Variants in CARD10 observed in about 807,000 individuals in gnomAD.
CARD10 encodes caspase recruitment domain family member 10, also known as caspase recruitment domain-containing protein 10.
CARD10 carries 49 observed loss-of-function variants against 114.6 expected under a neutral mutation model. That is an observed-to-expected ratio of 0.43 (90% CI 0.34 to 0.54). The LOEUF (loss-of-function observed/expected upper bound fraction) is 0.54. CARD10 is among the 20% of genes least tolerant of loss of function. The pLI is 0.03. For synonymous variants in CARD10, 602 were observed against 593.2 expected (o/e 1.01, Z -0.21); for missense variants, 1,206 against 1,397.2 (o/e 0.86, Z 2.18).
intron 3 of CARD10, among the ~76,000 whole-genome samples, chr22:37,513,074 G>A (rs1224988432): frequency 6.6e-6 from 1 of 151,958 alleles, no homozygotes; most frequent in East Asian, 1.9e-4. Flanking sequence ...TATAAATTAA[G>A]GTAAATTTAT....
In CARD10 at chr22:37,506,498, C is replaced by T. The variant is rs1923414429; in HGVS notation, c.1192-115G>A. 8 of 677,540 alleles carry T rather than the reference C, an allele frequency of 1.2e-5. 1 individual carries two copies. The East Asian group carries it at 2.4e-4, about 20-fold the overall frequency. 42.0% of individuals were successfully genotyped at this position (677,540 alleles called of 1,614,324 possible). ...AGAATGGCAGCTATCACTTACTGAG[C>T]ACTGTGTGCCGGGCCCTGAGCTAAA... On this transcript the variant is annotated intron_variant, in intron 6 of 19. Coordinates refer to ENST00000251973, the MANE Select transcript of CARD10 (RefSeq NM_014550.4).
At chr22:37,494,732 G>A (rs537079613) in intron 15 of CARD10, among the ~76,000 whole-genome samples, 4 of 152,176 alleles carry the variant, frequency 2.6e-5, no homozygotes, top group Non-Finnish European at 4.4e-5. Context: ...TACAACCCCC[G>A]CACTTTACAG....
chr22:37,509,076 G>A (rs1390122290), intron 4 of CARD10: 1 of 1,548,814 alleles, frequency 6.5e-7, no homozygotes, highest in South Asian at 1.2e-5. Context: ...GGTCTTCAAG[G>A]GGCTGAGCCT....
Position 37,495,544 on chromosome 22 carries a change from G to A in CARD10, c.2346C>T (p.Ser782=), listed in dbSNP as rs1922969414. The change falls in exon 15 of 20, where the codon TCC becomes TCT. Residue 782 remains serine (S), a synonymous_variant. Coordinates refer to ENST00000251973, the MANE Select transcript of CARD10 (RefSeq NM_014550.4). ...LLEVQEKCLP[S]SRHRGPRSNL... ...TACTGCGGGGGCCTCGGTGCCGGCT[G>A]GAGGGCAGGCATTTCTCCTGAACTT... The A allele has an allele frequency of 6.2e-7, 1 of 1,613,112 alleles. No homozygotes were observed. The highest frequency in any genetic ancestry group is 8.5e-7 in the Non-Finnish European group (1 of 1,179,780).
At chr22:37,505,127 G>A (rs548375278) in intron 7 of CARD10, among the ~76,000 whole-genome samples, 5 of 152,260 alleles carry the variant, frequency 3.3e-5, no homozygotes, top group Non-Finnish European at 5.9e-5. Context: ...ATGTGCAAAG[G>A]CCCTGAGGCA....
At chr22:37,511,718 C>T (rs1923659019) in intron 3 of CARD10, among the ~76,000 whole-genome samples, 1 of 151,950 alleles carries the variant, frequency 6.6e-6, no homozygotes, top group African/African-American at 2.4e-5. Context: ...GAACCAGATG[C>T]TCCCCGCAAC....
At chr22:37,511,607 T>C (rs562286030) in intron 3 of CARD10, among the ~76,000 whole-genome samples, 14 of 147,010 alleles carry the variant, frequency 9.5e-5, no homozygotes, top group African/African-American at 3.0e-4. Context: ...GGGCAAGTCA[T>C]GGCCCCTCTC....
rs1396795741 is a variant in CARD10 at position 37,496,882 on chromosome 22, C to T, written c.1947+137G>A. On this transcript the variant is annotated intron_variant, in intron 12 of 19. Coordinates refer to ENST00000251973, the MANE Select transcript of CARD10 (RefSeq NM_014550.4). The surrounding 1 kb of genome is among the most constrained non-coding windows in gnomAD (Gnocchi z 4.1). Reference sequence around the variant, plus strand: ...AGCCTGGCTGAGCAGGCAACCACAGCTAATCACTGAGCCCGCTTCGGCTTT... The same window carrying T: ...AGCCTGGCTGAGCAGGCAACCACAGTTAATCACTGAGCCCGCTTCGGCTTT... The T allele has an allele frequency of 1.8e-6, 2 of 1,081,148 alleles. No homozygotes were observed. Among genetic ancestry groups the T allele is most frequent in the Admixed American group, 2.4e-5 (1 of 41,670 alleles). 67.0% of individuals were successfully genotyped at this position (1,081,148 alleles called of 1,614,324 possible).
chr22:37,511,600 C>G (rs1232357477), intron 3 of CARD10, among the ~76,000 whole-genome samples: 1 of 149,572 alleles, frequency 6.7e-6, no homozygotes, highest in Non-Finnish European at 1.5e-5. Flanking sequence ...TGACCCTGGG[C>G]AAGTCATGGC....
Position 37,491,378 on chromosome 22 carries a change from C to T in CARD10, c.2880G>A (p.Arg960=). 6.7e-7 allele frequency: 1 copy of T among 1,499,994 alleles called. No individual in the cohort carries two copies. Among genetic ancestry groups the T allele is most frequent in the Admixed American group, 2.0e-5 (1 of 49,134 alleles). 92.9% of individuals were successfully genotyped at this position (1,499,994 alleles called of 1,614,324 possible). Reference sequence around the variant, plus strand: ...GCAGCTCTGAGTCCCGCCAGCCCGGCCGGCCCAGCAGACCCCTGCCGAGAG... The same window carrying T: ...GCAGCTCTGAGTCCCGCCAGCCCGGTCGGCCCAGCAGACCCCTGCCGAGAG... ...NVREVRGLLG[R]PGWRDSELLR... The change falls in exon 20 of 20, where the codon CGG becomes CGA. Residue 960 remains arginine, a synonymous_variant. Coordinates refer to ENST00000251973, the MANE Select transcript of CARD10 (RefSeq NM_014550.4).
intron 11 of CARD10, among the ~76,000 whole-genome samples, chr22:37,499,533 T>C (rs8137328): frequency 0.16 from 21,515 of 131,584 alleles, 1,686 homozygotes; most frequent in Middle Eastern, 0.31. Flanking sequence ...CGCTCCCTCC[T>C]CCACACCTCT....
chr22:37,495,491 C>A, intron 15 of CARD10, 26 bp downstream of exon 15: 1 of 1,589,370 alleles, frequency 6.3e-7, no homozygotes, highest in East Asian at 2.3e-5. Context: ...GGGCCCCCCA[C>A]CCACTACCTG....
rs989371843 is a variant in CARD10, at chr22:37,503,319, A to G, written c.1635-106T>C. 35 of 1,148,878 alleles carry G rather than the reference A, an allele frequency of 3.0e-5. No homozygotes were observed. In the African/African-American group the frequency reaches 5.1e-4, roughly 17 times the overall value. 71.2% of individuals were successfully genotyped at this position (1,148,878 alleles called of 1,614,324 possible). A position where few individuals can be genotyped will look rare whatever the true frequency, so the allele number is the denominator to read the frequency against. ...ACCAGATAAATGTCTCACAGCCCCC[A>G]AGCAAATGCAGGCTAGACTCAAGGC... On this transcript the variant is annotated intron_variant, in intron 9 of 19. Coordinates refer to ENST00000251973, the MANE Select transcript of CARD10 (RefSeq NM_014550.4).
At position 37,519,284 on chromosome 22, in the gene CARD10, C is replaced by T. The variant is rs535024722; in HGVS notation, c.-84G>A. 5.1e-6 allele frequency: 7 copies of T among 1,365,124 alleles called. No homozygotes were observed. Among genetic ancestry groups the T allele is most frequent in the Admixed American group, 3.4e-5 (1 of 29,184 alleles). 84.6% of individuals were successfully genotyped at this position (1,365,124 alleles called of 1,614,324 possible). A position where few individuals can be genotyped will look rare whatever the true frequency, so the allele number is the denominator to read the frequency against. On this transcript the variant is annotated 5_prime_UTR_variant, in exon 1 of 20. Coordinates refer to ENST00000251973, the MANE Select transcript of CARD10 (RefSeq NM_014550.4). The surrounding 1 kb of genome is among the most constrained non-coding windows in gnomAD (Gnocchi z 4.1). ...GGGCTAGATGTGCGGCCAAGCACCCCCGGGGCGTCGTCCGCAGACCCGCCG... is the reference window on the plus strand; with the variant it reads ...GGGCTAGATGTGCGGCCAAGCACCCTCGGGGCGTCGTCCGCAGACCCGCCG...
In CARD10 at chr22:37,494,094, G is replaced by T; in HGVS notation, c.2468C>A (p.Pro823His). 1 of 1,554,962 alleles carries T rather than the reference G, an allele frequency of 6.4e-7. No individual in the cohort carries two copies. The highest frequency in any genetic ancestry group is 8.7e-7 in the Non-Finnish European group (1 of 1,149,096). Residue 823 changes from proline to histidine, a missense_variant, in exon 16 of 20, where the codon CCC (proline) becomes CAC (histidine). By Grantham distance (77) the Pro-to-His change is moderately conservative (BLOSUM62 -2). This residue lies in a region of CARD10 where 1,068 missense variants were observed against 1,179.1 expected (regional missense o/e 0.91). Transcript: ENST00000251973. ...TGCCCCCGCGCACTCACCTGCACAG[G>T]GCTCCAGCAGCAGCTGATCCGGGGA... The part of the protein sequence containing the change: ...GDSPDQLLLE[P>H]CAEPERSLRP...
rs925303442 is a variant in CARD10, at chr22:37,519,158, C to G, written c.43G>C (p.Gly15Arg). The change falls in exon 1 of 20, where the codon GGG (glycine) becomes CGG (arginine). Residue 15 changes from glycine to arginine, a missense_variant. By Grantham distance (125) the Gly-to-Arg change is moderately radical. Around this residue, in one of 2 missense-constraint regions of CARD10, gnomAD observed 138 missense variants for 218.0 expected, o/e 0.63. Coordinates refer to ENST00000251973, the MANE Select transcript of CARD10 (RefSeq NM_014550.4). The surrounding 1 kb of genome is among the most constrained non-coding windows in gnomAD (Gnocchi z 4.1). ...AEAGEAEEEA[G>R]AGSGSEAEED... ...TCCGCCTCAGACCCCGAGCCGGCCCCGGCCTCCTCCTCGGCCTCCCCCGCC... is the reference window on the plus strand; with the variant it reads ...TCCGCCTCAGACCCCGAGCCGGCCCGGGCCTCCTCCTCGGCCTCCCCCGCC... 3.2e-6 allele frequency: 5 copies of G among 1,540,804 alleles called. No homozygotes were observed. The South Asian group carries it at 4.7e-5, about 15-fold the overall frequency.
chr22:37,495,648 C>T, intron 14 of CARD10, 62 bp from the exon 15 acceptor site: 13 of 1,608,846 alleles, frequency 8.1e-6, no homozygotes, highest in Non-Finnish European at 1.1e-5. Flanking sequence ...TCTCCTCGAA[C>T]CCCCCGCCCT....
chr22:37,497,319 C>T, intron 11 of CARD10, 141 bp from the exon 12 acceptor site: 1 of 777,402 alleles, frequency 1.3e-6, no homozygotes, highest in South Asian at 1.9e-5. Flanking sequence ...TCTGTGCCCT[C>T]TTCCTTGCCT....
chr22:37,505,863 G>A (rs745952819), intron 7 of CARD10, among the ~76,000 whole-genome samples: 3 of 152,116 alleles, frequency 2.0e-5, no homozygotes, highest in Non-Finnish European at 2.9e-5. Context: ...CTGAGGCCCA[G>A]GTTTTGCATT....
Sources: gnomAD v4.1 joint callset for allele counts (sites outside exome capture counted in the v4.1 genomes callset) on GRCh38, gnomAD v4.1.1 for gene constraint, gnomAD v4.1.1 regional missense constraint, Gnocchi (gnomAD v3.1) non-coding constraint, MANE v1.5 for transcripts, NCBI Gene and HGNC (gene_info 2026-07-23, HGNC 2026-07-21) for gene names.